The following TEX14 variants were observed in gnomAD, a reference collection of about 807,000 sequenced individuals.
TEX14 encodes testis expressed 14, intercellular bridge forming factor, also known as inactive serine/threonine-protein kinase TEX14.
A neutral mutation model predicts 178.6 loss-of-function variants in TEX14; 168 were observed. The observed-to-expected ratio is 0.94, with a 90% CI of 0.83 to 1.07. The LOEUF is 1.07. Among genes scored for constraint, TEX14 ranks in the 50% least tolerant of loss-of-function variants. The probability of loss-of-function intolerance (pLI) is 0.00; values close to 1 mark genes in which losing one functional copy is unlikely to be tolerated. For missense variants in TEX14, 1,730 were observed against 1,753.6 expected, an observed-to-expected ratio of 0.99 and a Z score of 0.24; for synonymous variants, 626 against 634.1, an observed-to-expected ratio of 0.99 and a Z score of 0.19.
intron 24 of TEX14, among the ~76,000 whole-genome samples, 166 bp from the exon 25 acceptor site, chr17:58,570,650 G>C (rs2044502374): frequency 8.1e-6 from 1 of 123,214 alleles, no homozygotes; most frequent in Non-Finnish European, 1.6e-5. Context: ...TTTTGAGATG[G>C]AGTCTTACTC....
chr17:58,655,297 C>T (rs1482839760), intron 1 of TEX14, among the ~76,000 whole-genome samples: 6 of 152,020 alleles, frequency 3.9e-5, no homozygotes, highest in Non-Finnish European at 7.4e-5. Context: ...GATTCTCCTG[C>T]CTCAGCCTCC....
In TEX14 at chr17:58,651,994, C is replaced by T. The variant is rs73996253; in HGVS notation, c.8G>A (p.Arg3Gln). 9.4e-5 allele frequency: 148 copies of T among 1,578,480 alleles called. No homozygotes were observed. Among genetic ancestry groups the T allele is most frequent in the African/African-American group, 4.2e-4 (31 of 73,432 alleles). ...ACAGGGGACTGGAAGACGAACAGCCCGAGACATCCTGTTCCAAAAGAGAGC... is the reference window on the plus strand; with the variant it reads ...ACAGGGGACTGGAAGACGAACAGCCTGAGACATCCTGTTCCAAAAGAGAGC... MS[R>Q]AVRLPVPCPV... The change falls in exon 2 of 32, where the codon CGG (arginine) becomes CAG (glutamine). Residue 3 changes from arginine to glutamine, a missense_variant. Physicochemically the swap from Arg to Gln is conservative, Grantham distance 43 (BLOSUM62 1). Coordinates refer to ENST00000349033, the MANE Select transcript of TEX14 (RefSeq NM_031272.5).
chr17:58,619,818 G>T (rs1437141403), intron 5 of TEX14, among the ~76,000 whole-genome samples: 3 of 150,012 alleles, frequency 2.0e-5, no homozygotes, highest in African/African-American at 7.3e-5. Context: ...AAAAAAAAAG[G>T]TGGGGGAAGA....
At chr17:58,588,867 C>T (rs1009486168) in intron 15 of TEX14, among the ~76,000 whole-genome samples, 2 of 152,022 alleles carry the variant, frequency 1.3e-5, no homozygotes, top group Non-Finnish European at 2.9e-5. Flanking sequence ...GAGGTCAAGG[C>T]CAGCTTGTAC....
chr17:58,617,697 C>T, intron 5 of TEX14, 78 bp from the exon 6 acceptor site: 1 of 1,013,396 alleles, frequency 9.9e-7, no homozygotes, highest in Non-Finnish European at 1.5e-6. Flanking sequence ...ACCAAGTTTT[C>T]AGAAGGTGTA....
chr17:58,586,001 A>G lies in TEX14; in HGVS notation c.2870T>C (p.Leu957Ser), dbSNP rs1049033590. 3.7e-6 allele frequency: 6 copies of G among 1,614,034 alleles called. No individual in the cohort carries two copies. The highest frequency in any genetic ancestry group is 5.1e-6 in the Non-Finnish European group (6 of 1,180,010). ...GGGCTCATTTTCAGCCTCGCTCTCT[A>G]AAGTCAGACTACTCTGAGGATGCCA... is the stretch of plus-strand genomic sequence containing the variant. ...PPWHPQSSLT[L>S]ESEAENEPDA... The change falls in exon 18 of 32, where the codon TTA (leucine) becomes TCA (serine). Residue 957 changes from leucine (L) to serine (S), a missense_variant. Transcript: ENST00000349033.
intron 30 of TEX14, among the ~76,000 whole-genome samples, chr17:58,558,892 G>A (rs534203544): frequency 4.6e-5 from 7 of 152,146 alleles, no homozygotes; most frequent in African/African-American, 9.6e-5. Context: ...AACATCGGCC[G>A]GGTACAGTGG....
At chr17:58,686,945 C>T (rs2047610048) in intron 1 of TEX14, among the ~76,000 whole-genome samples, 1 of 143,340 alleles carries the variant, frequency 7.0e-6, no homozygotes, top group Non-Finnish European at 1.5e-5. Context: ...GGGATCTCAG[C>T]TCACAGCAAC....
intron 19 of TEX14, chr17:58,581,813 G>C: frequency 2.0e-6 from 3 of 1,485,986 alleles, no homozygotes; most frequent in Non-Finnish European, 2.7e-6. Context: ...TGTTAACAAC[G>C]GGGTTATCTA....
intron 19 of TEX14, 84 bp from the exon 20 acceptor site, chr17:58,579,815 T>A (rs1020250826): frequency 8.9e-7 from 1 of 1,121,340 alleles, no homozygotes; most frequent in Non-Finnish European, 1.3e-6. Flanking sequence ...TTGATGTTCT[T>A]AAATCTTGAA....
intron 1 of TEX14, among the ~76,000 whole-genome samples, chr17:58,675,853 G>A (rs2047385864): frequency 6.6e-6 from 1 of 152,152 alleles, no homozygotes; most frequent in African/African-American, 2.4e-5. Flanking sequence ...GGCCTCCAAA[G>A]GTACGGTGAT....
At position 58,652,002 on chromosome 17, in the gene TEX14, C is replaced by T; in HGVS notation, c.-1G>A. 1 of 1,566,258 alleles carries T rather than the reference C, an allele frequency of 6.4e-7. No individual in the cohort carries two copies. Among genetic ancestry groups the T allele is most frequent in the Non-Finnish European group, 8.6e-7 (1 of 1,160,502 alleles). On this transcript the variant is annotated splice_region_variant and 5_prime_UTR_variant, in exon 2 of 32. Transcript: ENST00000349033. Reference sequence around the variant, plus strand: ...CTGGAAGACGAACAGCCCGAGACATCCTGTTCCAAAAGAGAGCAATATGCT... The same window carrying T: ...CTGGAAGACGAACAGCCCGAGACATTCTGTTCCAAAAGAGAGCAATATGCT...
intron 2 of TEX14, among the ~76,000 whole-genome samples, chr17:58,648,991 G>A (rs553814297): frequency 3.3e-5 from 5 of 149,498 alleles, no homozygotes; most frequent in African/African-American, 4.9e-5. Flanking sequence ...GGGTTTCACC[G>A]TGGTCTCGAT....
chr17:58,571,284 G>A (rs2044521749), intron 24 of TEX14, among the ~76,000 whole-genome samples: 1 of 136,744 alleles, frequency 7.3e-6, no homozygotes, highest in African/African-American at 2.8e-5. Flanking sequence ...CGCCCAGGCT[G>A]GAGTGTAGTG....
intron 2 of TEX14, among the ~76,000 whole-genome samples, chr17:58,639,402 A>G (rs940406153): frequency 6.6e-6 from 1 of 151,760 alleles, no homozygotes; most frequent in Non-Finnish European, 1.5e-5. Flanking sequence ...GTCACCACTA[A>G]AGAACTTACT....
At chr17:58,643,047 C>T (rs2144615376) in intron 2 of TEX14, among the ~76,000 whole-genome samples, 1 of 152,318 alleles carries the variant, frequency 6.6e-6, no homozygotes, top group Middle Eastern at 3.4e-3. Flanking sequence ...ATCTCTGTAT[C>T]TCCAGCACAT....
intron 2 of TEX14, among the ~76,000 whole-genome samples, chr17:58,638,854 C>CTTTTTTTT (rs1210311633): frequency 8.0e-5 from 6 of 75,070 alleles, no homozygotes; most frequent in Admixed American, 1.9e-4. Flanking sequence ...GACTATTATT[C>CTTTTTTTT]TTTTTTTTTT....
At chr17:58,559,806 G>A (rs147974054) in intron 29 of TEX14, among the ~76,000 whole-genome samples, 65 of 152,232 alleles carry the variant, frequency 4.3e-4, no homozygotes, top group African/African-American at 1.5e-3. Context: ...AGGAAACCGA[G>A]GCACAGAGAA....
chr17:58,623,749 GAAGA>G (rs2046060316), intron 3 of TEX14, among the ~76,000 whole-genome samples: 1 of 133,318 alleles, frequency 7.5e-6, no homozygotes, highest in Non-Finnish European at 1.6e-5. Context: ...AAAAAAAGAA[GAAGA>G]AAGAAGGAGA....
Sources: gnomAD v4.1 joint callset for allele counts (sites outside exome capture counted in the v4.1 genomes callset) on GRCh38, gnomAD v4.1.1 for gene constraint, MANE v1.5 for transcripts, NCBI Gene and HGNC (gene_info 2026-07-23, HGNC 2026-07-21) for gene names.